The following HS3ST5 variants were observed in gnomAD, a reference collection of about 807,000 sequenced individuals.
The protein encoded by HS3ST5 is heparan sulfate-glucosamine 3-sulfotransferase 5.
In HS3ST5, 10 loss-of-function variants were observed where a neutral mutation model predicts 25.4. That is an observed-to-expected ratio of 0.39 (90% CI 0.24 to 0.67). The LOEUF (loss-of-function observed/expected upper bound fraction) is 0.67. Among genes scored for constraint, HS3ST5 ranks in the 30% least tolerant of loss-of-function variants. HS3ST5 has a pLI of 0.44. For synonymous variants in HS3ST5, 170 were observed against 162.4 expected, an observed-to-expected ratio of 1.05 and a Z score of -0.36; for missense variants, 324 against 420.7, an observed-to-expected ratio of 0.77 and a Z score of 2.01.
intron 2 of HS3ST5, among the ~76,000 whole-genome samples, chr6:114,190,277 C>CA (rs1314483890): frequency 6.6e-6 from 1 of 152,118 alleles, no homozygotes; most frequent in African/African-American, 2.4e-5. Flanking sequence ...TCCAGAGACA[C>CA]ACAGTGAGGC....
At chr6:114,317,230 T>C (rs1449304988) in intron 1 of HS3ST5, among the ~76,000 whole-genome samples, 1 of 152,198 alleles carries the variant, frequency 6.6e-6, no homozygotes, top group Non-Finnish European at 1.5e-5. Flanking sequence ...ATAAATAATT[T>C]TATTTTCAGT....
intron 2 of HS3ST5, among the ~76,000 whole-genome samples, chr6:114,179,367 A>G (rs561592105): frequency 3.0e-4 from 46 of 152,300 alleles, no homozygotes; most frequent in Non-Finnish European, 5.6e-4. Flanking sequence ...TGTGCTAAAT[A>G]CTAATCATTT....
At chr6:114,175,586 G>A (rs558184302) in intron 2 of HS3ST5, among the ~76,000 whole-genome samples, 3 of 152,142 alleles carry the variant, frequency 2.0e-5, no homozygotes, top group Non-Finnish European at 4.4e-5. Flanking sequence ...TTTGGCTAAG[G>A]GGGAGGAGGA....
At chr6:114,143,772 C>T (rs781300460) in intron 3 of HS3ST5, 7 of 152,394 alleles carry the variant, frequency 4.6e-5, no homozygotes, top group African/African-American at 9.6e-5. Flanking sequence ...CTAACTGTAA[C>T]TCCAGGATTA....
chr6:114,217,630 AG>A (rs1291657716), intron 2 of HS3ST5, among the ~76,000 whole-genome samples: 1 of 152,210 alleles, frequency 6.6e-6, no homozygotes, highest in African/African-American at 2.4e-5. Flanking sequence ...TACAATGTAA[AG>A]TACATCTCTT....
At chr6:114,132,889 T>C (rs879445773) in intron 3 of HS3ST5, among the ~76,000 whole-genome samples, 38 of 152,278 alleles carry the variant, frequency 2.5e-4, no homozygotes, top group African/African-American at 9.1e-4. Context: ...TCCGGGAGAT[T>C]TTCAGGGCTA....
intron 3 of HS3ST5, among the ~76,000 whole-genome samples, chr6:114,070,310 C>T (rs1346193646): frequency 6.6e-6 from 1 of 150,842 alleles, no homozygotes; most frequent in Non-Finnish European, 1.5e-5. Context: ...GAAATGTTTC[C>T]ATAAAAGGGC....
chr6:114,320,020 G>GATA (rs951864968), intron 1 of HS3ST5, among the ~76,000 whole-genome samples: 63 of 151,528 alleles, frequency 4.2e-4, no homozygotes, highest in Middle Eastern at 6.9e-3. Context: ...AAGAAATAAG[G>GATA]ATAATAATAA....
chr6:114,294,441 CTTT>C (rs57443813), intron 1 of HS3ST5, among the ~76,000 whole-genome samples: 1 of 112,962 alleles, frequency 8.9e-6, no homozygotes, highest in African/African-American at 3.6e-5. Flanking sequence ...AGGTTAGAAA[CTTT>C]TTTTTTTTTT....
chr6:114,160,480 A>G (rs1778895270), intron 3 of HS3ST5, among the ~76,000 whole-genome samples: 1 of 152,144 alleles, frequency 6.6e-6, no homozygotes, highest in African/African-American at 2.4e-5. Flanking sequence ...CCCCAACTAC[A>G]TTTAGAGAAA....
chr6:114,203,503 C>T (rs1046355821), intron 2 of HS3ST5, among the ~76,000 whole-genome samples: 4 of 152,102 alleles, frequency 2.6e-5, no homozygotes, highest in African/African-American at 7.2e-5. Context: ...CTTCCCCAGT[C>T]GCTCCTATAG....
At chr6:114,281,614 C>T (rs1186097190) in intron 1 of HS3ST5, among the ~76,000 whole-genome samples, 1 of 151,920 alleles carries the variant, frequency 6.6e-6, no homozygotes. Flanking sequence ...GAGAGGTAAG[C>T]TTTTAAACTC....
chr6:114,291,966 G>C (rs1774597195), intron 1 of HS3ST5, among the ~76,000 whole-genome samples: 1 of 152,110 alleles, frequency 6.6e-6, no homozygotes, highest in Non-Finnish European at 1.5e-5. Flanking sequence ...ATGTTCTAAA[G>C]AGCAAATCTC....
chr6:114,247,860 T>C (rs1772453611), intron 1 of HS3ST5, among the ~76,000 whole-genome samples: 1 of 151,592 alleles, frequency 6.6e-6, no homozygotes, highest in Admixed American at 6.6e-5. Context: ...AACAGAAAAT[T>C]ATTTTTCTAA....
intron 3 of HS3ST5, among the ~76,000 whole-genome samples, chr6:114,130,871 A>G (rs1777296458): frequency 6.6e-6 from 1 of 152,036 alleles, no homozygotes; most frequent in African/African-American, 2.4e-5. Flanking sequence ...GCCCAGCCAT[A>G]TTACAAAAAA....
intron 2 of HS3ST5, among the ~76,000 whole-genome samples, chr6:114,188,236 G>A (rs986178322): frequency 1.3e-5 from 2 of 152,086 alleles, no homozygotes; most frequent in African/African-American, 4.8e-5. Flanking sequence ...AAGGTACCAG[G>A]ATGTCACTCT....
intron 2 of HS3ST5, among the ~76,000 whole-genome samples, chr6:114,227,410 AAT>A (rs1771351756): frequency 6.6e-6 from 1 of 151,850 alleles, no homozygotes; most frequent in Non-Finnish European, 1.5e-5. Context: ...CTATAAAAAT[AAT>A]ATCTTATTGA....
chr6:114,105,447 A>C (rs1775945762), intron 3 of HS3ST5, among the ~76,000 whole-genome samples: 1 of 152,180 alleles, frequency 6.6e-6, no homozygotes, highest in African/African-American at 2.4e-5. Flanking sequence ...TTACCATTTT[A>C]TCTCAAGGAA....
chr6:114,126,199 A>C (rs1195546735), intron 3 of HS3ST5, among the ~76,000 whole-genome samples: 1 of 152,224 alleles, frequency 6.6e-6, no homozygotes, highest in Admixed American at 6.5e-5. Flanking sequence ...AATTCATTGT[A>C]GAGGGAGATG....
Sources: gnomAD v4.1 joint callset for allele counts (sites outside exome capture counted in the v4.1 genomes callset) on GRCh38, gnomAD v4.1.1 for gene constraint, MANE v1.5 for transcripts, NCBI Gene and HGNC (gene_info 2026-07-23, HGNC 2026-07-21) for gene names.